ZNF704: variants seen among roughly 807,000 people sequenced by gnomAD.
ZNF704 encodes the protein zinc finger protein 704.
In ZNF704, 10 loss-of-function variants were observed where a neutral mutation model predicts 44.7. That is an observed-to-expected ratio of 0.22 (90% CI 0.14 to 0.38). The LOEUF (loss-of-function observed/expected upper bound fraction) is 0.38, where lower values mean the gene tolerates loss of function less well. Among genes scored for constraint, ZNF704 ranks in the 10% least tolerant of loss-of-function variants. The probability of loss-of-function intolerance (pLI) is 1.00; values close to 1 mark genes in which losing one functional copy is unlikely to be tolerated. For missense variants in ZNF704, 390 were observed against 545.5 expected, an observed-to-expected ratio of 0.71 and a Z score of 2.84; for synonymous variants, 211 against 207.6, an observed-to-expected ratio of 1.02 and a Z score of -0.14.
At chr8:80,680,008 T>C (rs1403875103) in intron 4 of ZNF704, among the ~76,000 whole-genome samples, 1 of 152,182 alleles carries the variant, frequency 6.6e-6, no homozygotes, top group African/African-American at 2.4e-5. Context: ...GGCCAAGGTG[T>C]CCCTGATTTT....
chr8:80,706,181 A>G (rs1405147774), intron 2 of ZNF704, among the ~76,000 whole-genome samples: 2 of 152,236 alleles, frequency 1.3e-5, no homozygotes, highest in African/African-American at 4.8e-5. Flanking sequence ...GATGGGGTTA[A>G]GTATGTTATT....
At chr8:80,783,161 G>A (rs1432103801) in intron 2 of ZNF704, among the ~76,000 whole-genome samples, 1 of 152,164 alleles carries the variant, frequency 6.6e-6, no homozygotes, top group African/African-American at 2.4e-5. Context: ...TGTCCACAGG[G>A]AGCAGGAGCA....
chr8:80,649,423 A>G (rs1441752944), intron 7 of ZNF704, among the ~76,000 whole-genome samples: 1 of 152,214 alleles, frequency 6.6e-6, no homozygotes, highest in African/African-American at 2.4e-5. Flanking sequence ...AGTCAAAGAA[A>G]GGGGTGACAG....
At chr8:80,659,292 A>T (rs1818061702) in intron 7 of ZNF704, among the ~76,000 whole-genome samples, 1 of 152,206 alleles carries the variant, frequency 6.6e-6, no homozygotes. Context: ...TTAATTTTAC[A>T]GTCTTTTGGA....
chr8:80,789,964 G>C (rs1381625681), intron 2 of ZNF704, among the ~76,000 whole-genome samples: 2 of 152,142 alleles, frequency 1.3e-5, no homozygotes, highest in African/African-American at 4.8e-5. Flanking sequence ...ACTTGTCCAT[G>C]AACAGATATT....
rs185169570 is a variant in ZNF704, at chr8:80,764,893, C to T, written c.221+56481G>A. Among the ~76,000 whole-genome samples the T allele has an allele frequency of 2.2e-4, 33 of 152,286 alleles. No individual in the cohort carries two copies. In the East Asian group the frequency reaches 4.4e-3, roughly 20 times the overall value. On this transcript the variant is annotated intron_variant, in intron 2 of 8. Coordinates refer to ENST00000327835, the MANE Select transcript of ZNF704 (RefSeq NM_001033723.3). ...AGGAATGATATTCAGCTTCTCCATA[C>T]CAAATCTGTATCAGTCAGGGTTCTC...
intron 1 of ZNF704, among the ~76,000 whole-genome samples, chr8:80,829,475 CA>C (rs1199929320): frequency 2.6e-5 from 4 of 152,130 alleles, no homozygotes; most frequent in African/African-American, 9.7e-5. Flanking sequence ...TAAGTCTTCA[CA>C]GTATTAAGTT....
chr8:80,832,498 T>C (rs1247755537), intron 1 of ZNF704, among the ~76,000 whole-genome samples: 1 of 152,174 alleles, frequency 6.6e-6, no homozygotes, highest in Non-Finnish European at 1.5e-5. Context: ...TTTACAGTAA[T>C]GAAATGCTAA....
chr8:80,659,574 T>C lies in ZNF704; in HGVS notation c.1032+11A>G. The C allele has an allele frequency of 6.2e-7, 1 of 1,613,594 alleles. No homozygotes were observed. The highest frequency in any genetic ancestry group is 8.5e-7 in the Non-Finnish European group (1 of 1,179,570). On this transcript the variant is annotated intron_variant, in intron 7 of 8. Transcript: ENST00000327835. ...TGACCAGATTTTTGGCTTTTTCGTTTTTCTACTTACTGGGATGCCTGTGAA... is the reference window on the plus strand; with the variant it reads ...TGACCAGATTTTTGGCTTTTTCGTTCTTCTACTTACTGGGATGCCTGTGAA...
At chr8:80,733,294 T>C (rs1806613394) in intron 2 of ZNF704, among the ~76,000 whole-genome samples, 1 of 152,184 alleles carries the variant, frequency 6.6e-6, no homozygotes, top group African/African-American at 2.4e-5. Context: ...ATTTTCATTG[T>C]TTTCTTTTCC....
chr8:80,703,951 G>C (rs912630681), intron 2 of ZNF704, among the ~76,000 whole-genome samples: 2 of 152,110 alleles, frequency 1.3e-5, no homozygotes, highest in African/African-American at 2.4e-5. Context: ...GTTTCCTCTT[G>C]TGGAAGACAA....
In ZNF704 at chr8:80,822,798, T is replaced by C. The variant is rs964781198; in HGVS notation, c.-21-1183A>G. Among the ~76,000 whole-genome samples, 11 of 152,238 alleles carry C rather than the reference T, an allele frequency of 7.2e-5. No individual in the cohort carries two copies. In the East Asian group the frequency reaches 2.1e-3, roughly 29 times the overall value. The stretch of plus-strand genomic sequence containing the variant: ...CGATTTGCATTTCTCTGATGACCAG[T>C]GATGATGAGCATTTTTTCATGTGTC... On this transcript the variant is annotated intron_variant, in intron 1 of 8. Transcript: ENST00000327835.
chr8:80,838,941 G>A (rs1343216560), intron 1 of ZNF704, among the ~76,000 whole-genome samples: 1 of 152,190 alleles, frequency 6.6e-6, no homozygotes, highest in African/African-American at 2.4e-5. Context: ...GGGCAGGAGA[G>A]TCCTGGGACA....
At chr8:80,674,263 A>T (rs1818326388) in intron 4 of ZNF704, among the ~76,000 whole-genome samples, 1 of 152,238 alleles carries the variant, frequency 6.6e-6, no homozygotes, top group Non-Finnish European at 1.5e-5. Flanking sequence ...CTAGGTTCAC[A>T]AAAAGGAATT....
chr8:80,879,138 GA>G (rs1320700089), upstream of ZNF704, among the ~76,000 whole-genome samples: 2 of 152,092 alleles, frequency 1.3e-5, no homozygotes, highest in Non-Finnish European at 2.9e-5. Flanking sequence ...CAAGTTCCAT[GA>G]TATAAAATGT....
At chr8:80,850,278 AT>A (rs566943334) in intron 1 of ZNF704, among the ~76,000 whole-genome samples, 20 of 151,718 alleles carry the variant, frequency 1.3e-4, no homozygotes, top group Non-Finnish European at 2.4e-4. Context: ...GTAACTGTTC[AT>A]TTTTTTTCAG....
intron 2 of ZNF704, among the ~76,000 whole-genome samples, chr8:80,708,841 CTT>C (rs547908173): frequency 6.9e-6 from 1 of 144,816 alleles, no homozygotes; most frequent in African/African-American, 2.5e-5. Context: ...GTCTTCTTTC[CTT>C]TTTTTTTTTG....
intron 3 of ZNF704, among the ~76,000 whole-genome samples, chr8:80,691,598 C>G (rs1335339554): frequency 1.3e-5 from 2 of 152,044 alleles, no homozygotes; most frequent in Non-Finnish European, 2.9e-5. Context: ...CCTCGGCCAT[C>G]TTCTCTTCTC....
rs1421165147 is a variant in ZNF704, at chr8:80,669,375, T to C, written c.659+1128A>G. Among the ~76,000 whole-genome samples the C allele has an allele frequency of 5.9e-5, 9 of 152,294 alleles. No homozygotes were observed. The East Asian group carries it at 1.7e-3, about 29-fold the overall frequency. ...CTGAGGTATTTCAATTGGTATTTCTTACACATAAGGTAGACTCTGGCCAGG... is the reference window on the plus strand; with the variant it reads ...CTGAGGTATTTCAATTGGTATTTCTCACACATAAGGTAGACTCTGGCCAGG... On this transcript the variant is annotated intron_variant, in intron 5 of 8. Coordinates refer to ENST00000327835, the MANE Select transcript of ZNF704 (RefSeq NM_001033723.3).
Sources: allele counts gnomAD v4.1 joint callset (sites outside exome capture counted in the v4.1 genomes callset), GRCh38; gene constraint gnomAD v4.1.1; transcripts MANE v1.5; gene names NCBI Gene and HGNC (gene_info 2026-07-23, HGNC 2026-07-21).